NINL: variants seen among roughly 807,000 people sequenced by gnomAD.
The protein encoded by NINL is ninein like, also known as ninein-like protein.
Under a neutral mutation model 160.3 loss-of-function variants are expected in NINL, and 153 were observed. The ratio of observed to expected loss-of-function variants is 0.95; its 90% CI spans 0.84 to 1.09. The LOEUF is 1.09. Among genes scored for constraint, NINL ranks in the 50% least tolerant of loss-of-function variants. NINL has a pLI of 0.00. For synonymous variants in NINL, 800 were observed against 734.8 expected (o/e 1.09, Z -1.43); for missense variants, 1,829 against 1,764.0 (o/e 1.04, Z -0.66).
intron 5 of NINL, among the ~76,000 whole-genome samples, chr20:25,505,675 C>A (rs1432472276): frequency 2.6e-5 from 4 of 152,186 alleles, no homozygotes. Flanking sequence ...CGGGGAAGCA[C>A]AGCAATGCTG....
Position 25,476,311 on chromosome 20 carries a change from C to T in NINL, c.2980G>A (p.Ala994Thr). ...RSWSRGTQEQASEQQARAEGA... is the reference protein window; with the variant it reads ...RSWSRGTQEQTSEQQARAEGA... Reference sequence around the variant, plus strand: ...TCGGCCCGGGCCTGCTGCTCCGAGGCCTGCTCCTGGGTGCCCCTGCTCCAG... The same window carrying T: ...TCGGCCCGGGCCTGCTGCTCCGAGGTCTGCTCCTGGGTGCCCCTGCTCCAG... The change falls in exon 17 of 24, where the codon GCC (alanine) becomes ACC (threonine). Residue 994 changes from alanine to threonine, a missense_variant. Ala to Thr is a moderately conservative substitution (Grantham distance 58, BLOSUM62 0). Coordinates refer to ENST00000278886, the MANE Select transcript of NINL (RefSeq NM_025176.6). 6.2e-7 allele frequency: 1 copy of T among 1,613,192 alleles called. No homozygotes were observed. The highest frequency in any genetic ancestry group is 8.5e-7 in the Non-Finnish European group (1 of 1,179,954).
At chr20:25,548,955 C>A (rs1179917319) in intron 1 of NINL, among the ~76,000 whole-genome samples, 4 of 106,980 alleles carry the variant, frequency 3.7e-5, no homozygotes, top group African/African-American at 1.4e-4. Flanking sequence ...CTCACCCAGG[C>A]CTGACCCCAG....
intron 13 of NINL, among the ~76,000 whole-genome samples, chr20:25,488,599 G>A (rs1198509008): frequency 1.3e-5 from 2 of 151,926 alleles, no homozygotes; most frequent in African/African-American, 4.8e-5. Flanking sequence ...ATGGACTGAC[G>A]CAGCAGCAGG....
intron 17 of NINL, among the ~76,000 whole-genome samples, chr20:25,473,653 G>A (rs762659673): frequency 1.3e-5 from 2 of 148,946 alleles, no homozygotes; most frequent in African/African-American, 5.0e-5. Context: ...GTGAAACCCC[G>A]TCTGTAGTAA....
intron 11 of NINL, 59 bp downstream of exon 11, chr20:25,491,292 G>T (rs1008016169): frequency 1.2e-5 from 19 of 1,538,418 alleles, no homozygotes; most frequent in Non-Finnish European, 1.5e-5. Flanking sequence ...GGATGACGTG[G>T]GTGTGGGGAA....
chr20:25,575,171 A>G (rs1023686194), intron 1 of NINL, among the ~76,000 whole-genome samples: 18 of 152,308 alleles, frequency 1.2e-4, no homozygotes, highest in Non-Finnish European at 2.1e-4. Context: ...AGAATAGGCC[A>G]GGTGCGGTGG....
chr20:25,549,116 C>G (rs112567810), intron 1 of NINL, among the ~76,000 whole-genome samples: 2 of 100,798 alleles, frequency 2.0e-5, no homozygotes, highest in Admixed American at 9.5e-5. Context: ...CTGACCCCGG[C>G]ACCCACGGCC....
intron 1 of NINL, among the ~76,000 whole-genome samples, chr20:25,571,163 G>A (rs2065050941): frequency 6.6e-6 from 1 of 152,158 alleles, no homozygotes; most frequent in East Asian, 1.9e-4. Flanking sequence ...CTTTACTCCT[G>A]TAAGAACCAC....
chr20:25,517,737 G>A lies in NINL; in HGVS notation c.277+16C>T. 1 of 1,542,868 alleles carries A rather than the reference G, an allele frequency of 6.5e-7. No homozygotes were observed. Among genetic ancestry groups the A allele is most frequent in the East Asian group, 2.3e-5 (1 of 43,626 alleles). Reference sequence around the variant, plus strand: ...AAACAAATAATGAAAAGAAAACACAGAGGAAATCCTCTTACCTGATTCCAA... The same window carrying A: ...AAACAAATAATGAAAAGAAAACACAAAGGAAATCCTCTTACCTGATTCCAA... On this transcript the variant is annotated intron_variant, in intron 3 of 23. Coordinates refer to ENST00000278886, the MANE Select transcript of NINL (RefSeq NM_025176.6).
chr20:25,481,802 G>A (rs1002674460), intron 14 of NINL, 166 bp downstream of exon 14: 4 of 1,011,340 alleles, frequency 4.0e-6, no homozygotes, highest in Admixed American at 2.5e-5. Flanking sequence ...AGGTCACCCT[G>A]TGGCATCCCT....
chr20:25,545,656 C>T (rs553169596), intron 1 of NINL, among the ~76,000 whole-genome samples: 1 of 152,294 alleles, frequency 6.6e-6, no homozygotes, highest in Non-Finnish European at 1.5e-5. Context: ...TCAAGACTGA[C>T]AAGACAGACT....
At chr20:25,514,261 C>A (rs1047000748) in intron 3 of NINL, among the ~76,000 whole-genome samples, 5 of 152,182 alleles carry the variant, frequency 3.3e-5, no homozygotes, top group Non-Finnish European at 5.9e-5. Flanking sequence ...GTGGCTTGCA[C>A]CCTCTGGAAC....
intron 1 of NINL, among the ~76,000 whole-genome samples, chr20:25,560,278 T>C (rs1300503287): frequency 3.3e-5 from 5 of 152,206 alleles, no homozygotes; most frequent in Admixed American, 2.0e-4. Context: ...CCTATATGTG[T>C]AATTGACAGA....
intron 17 of NINL, among the ~76,000 whole-genome samples, chr20:25,472,228 C>A (rs1198216051): frequency 6.7e-6 from 1 of 149,882 alleles, no homozygotes; most frequent in African/African-American, 2.5e-5. Context: ...AAATGTGATA[C>A]AGACAGAAGA....
At chr20:25,548,189 C>G (rs568321530) in intron 1 of NINL, among the ~76,000 whole-genome samples, 1 of 152,310 alleles carries the variant, frequency 6.6e-6, no homozygotes, top group South Asian at 2.1e-4. Flanking sequence ...TTCTGCTGCA[C>G]TCCTGGGCAG....
intron 1 of NINL, among the ~76,000 whole-genome samples, chr20:25,583,240 A>C (rs2065193462): frequency 6.6e-6 from 1 of 152,226 alleles, no homozygotes; most frequent in African/African-American, 2.4e-5. Flanking sequence ...CAAAGGTCTA[A>C]TATCCAGAAT....
intron 1 of NINL, among the ~76,000 whole-genome samples, chr20:25,580,115 C>T (rs1031904176): frequency 6.6e-6 from 1 of 152,084 alleles, no homozygotes; most frequent in African/African-American, 2.4e-5. Context: ...GGTGGATCAC[C>T]TGAGGTCAGG....
In NINL at chr20:25,453,290, G is replaced by T; in HGVS notation, c.*161C>A. The T allele has an allele frequency of 1.8e-6, 1 of 554,928 alleles. No individual in the cohort carries two copies. Among genetic ancestry groups the T allele is most frequent in the Non-Finnish European group, 2.9e-6 (1 of 340,260 alleles). The allele number at this position is 554,928 out of a possible 1,614,324, so 34.4% of individuals were successfully genotyped here. On this transcript the variant is annotated 3_prime_UTR_variant, in exon 24 of 24. Coordinates refer to ENST00000278886, the MANE Select transcript of NINL (RefSeq NM_025176.6). Reference sequence around the variant, plus strand: ...TTCCCCCAGCCCCCACCTCCATCTTGCCCAGGGCAGACCATTCATTAACTA... The same window carrying T: ...TTCCCCCAGCCCCCACCTCCATCTTTCCCAGGGCAGACCATTCATTAACTA...
At chr20:25,489,144 T>G in intron 13 of NINL, 100 bp downstream of exon 13, 1 of 1,142,412 alleles carries the variant, frequency 8.8e-7, no homozygotes, top group Non-Finnish European at 1.3e-6. Context: ...AAGCAGAGGC[T>G]CTCCCTGGAG....
Sources: gnomAD v4.1 joint callset for allele counts (sites outside exome capture counted in the v4.1 genomes callset) on GRCh38, gnomAD v4.1.1 for gene constraint, MANE v1.5 for transcripts, NCBI Gene and HGNC (gene_info 2026-07-23, HGNC 2026-07-21) for gene names.